COTL1: variants seen among roughly 807,000 people sequenced by gnomAD.
COTL1 encodes the protein coactosin like F-actin binding protein 1.
COTL1 carries 15 observed loss-of-function variants against 16.5 expected under a neutral mutation model. The ratio of observed to expected loss-of-function variants is 0.91; its 90% CI spans 0.61 to 1.40. COTL1 has a LOEUF of 1.40. Among genes scored for constraint, COTL1 ranks in the 40% most tolerant of loss-of-function variants. The probability of loss-of-function intolerance (pLI) is 0.00; values close to 1 mark genes in which losing one functional copy is unlikely to be tolerated. For missense variants in COTL1, 220 were observed against 201.5 expected (o/e 1.09, Z -0.56); for synonymous variants, 112 against 85.3 (o/e 1.31, Z -1.73).
chr16:84,582,048 C>A (rs1904608948), intron 3 of COTL1, among the ~76,000 whole-genome samples: 1 of 104,764 alleles, frequency 9.5e-6, no homozygotes, highest in Non-Finnish European at 1.8e-5. Flanking sequence ...TGCAGTGGTG[C>A]AATCTCTCGG....
chr16:84,610,177 G>C (rs894784980), intron 2 of COTL1, among the ~76,000 whole-genome samples: 2 of 152,160 alleles, frequency 1.3e-5, no homozygotes, highest in African/African-American at 4.8e-5. Context: ...TAAATTCCTT[G>C]TCCAGCCTGG....
chr16:84,609,800 T>C (rs36062134), intron 2 of COTL1, among the ~76,000 whole-genome samples: 47,029 of 152,176 alleles, frequency 0.31, 7,438 homozygotes, highest in East Asian at 0.44. Flanking sequence ...GTCTGTCTCC[T>C]GCTGCCACGT....
At chr16:84,611,330 T>C (rs375515339) in intron 2 of COTL1, among the ~76,000 whole-genome samples, 1 of 152,244 alleles carries the variant, frequency 6.6e-6, no homozygotes, top group Admixed American at 6.5e-5. Context: ...GCTTTAACAA[T>C]GTCACATTTG....
chr16:84,613,619 T>G (rs1277065342), intron 2 of COTL1, among the ~76,000 whole-genome samples: 1 of 151,980 alleles, frequency 6.6e-6, no homozygotes, highest in Non-Finnish European at 1.5e-5. Context: ...AGTGACTTGA[T>G]TAGAAATGTA....
chr16:84,577,748 G>T (rs1428806414), intron 3 of COTL1, among the ~76,000 whole-genome samples: 4 of 152,178 alleles, frequency 2.6e-5, no homozygotes, highest in Non-Finnish European at 5.9e-5. Context: ...GGTGGACACA[G>T]GGTAACCATC....
intron 2 of COTL1, among the ~76,000 whole-genome samples, chr16:84,599,813 G>A (rs1420452143): frequency 1.3e-5 from 2 of 152,192 alleles, no homozygotes; most frequent in Non-Finnish European, 2.9e-5. Context: ...AGCTTCCACC[G>A]AGGGAGCTCC....
In COTL1 at chr16:84,617,596, A is replaced by C. The variant is rs1235175351; in HGVS notation, c.78-13T>G. The C allele has an allele frequency of 6.4e-7, 1 of 1,552,370 alleles. No individual in the cohort carries two copies. Among genetic ancestry groups the C allele is most frequent in the South Asian group, 1.2e-5 (1 of 84,126 alleles). On this transcript the variant is annotated splice_polypyrimidine_tract_variant and intron_variant, in intron 1 of 3. Transcript: ENST00000262428. Reference sequence around the variant, plus strand: ...TTTAAAAGTCACCCTTTGGGTTGGGAGAAGAAAAAAACACACACACACATC... The same window carrying C: ...TTTAAAAGTCACCCTTTGGGTTGGGCGAAGAAAAAAACACACACACACATC...
chr16:84,588,636 A>G (rs1904789622), intron 3 of COTL1, among the ~76,000 whole-genome samples: 1 of 152,074 alleles, frequency 6.6e-6, no homozygotes, highest in African/African-American at 2.4e-5. Context: ...TCAGCCTCCC[A>G]AGTAGCTGGG....
chr16:84,573,740 CAAAA>C (rs72401655), intron 3 of COTL1, among the ~76,000 whole-genome samples: 30 of 104,154 alleles, frequency 2.9e-4, no homozygotes, highest in Admixed American at 1.6e-3. Flanking sequence ...AACTCTGTCT[CAAAA>C]AAAAAAAAAT....
At chr16:84,601,276 A>G (rs1667047091) in intron 2 of COTL1, among the ~76,000 whole-genome samples, 1 of 152,168 alleles carries the variant, frequency 6.6e-6, no homozygotes, top group Non-Finnish European at 1.5e-5. Context: ...CCCTACCTTC[A>G]AAAAATATAC....
intron 3 of COTL1, among the ~76,000 whole-genome samples, chr16:84,569,636 G>A (rs1206082383): frequency 6.6e-6 from 1 of 152,146 alleles, no homozygotes; most frequent in East Asian, 1.9e-4. Flanking sequence ...CTCATGGGCT[G>A]GGCTTGGAGA....
intron 3 of COTL1, among the ~76,000 whole-genome samples, chr16:84,586,174 G>C (rs1904728782): frequency 6.6e-6 from 1 of 152,114 alleles, no homozygotes; most frequent in Non-Finnish European, 1.5e-5. Flanking sequence ...CAACCCCAGA[G>C]AAAAACAGAA....
intron 3 of COTL1, among the ~76,000 whole-genome samples, chr16:84,572,106 A>G (rs535546263): frequency 6.6e-6 from 1 of 152,382 alleles, no homozygotes; most frequent in South Asian, 2.1e-4. Flanking sequence ...GAGATAAGGG[A>G]GTTGCAAGCA....
At position 84,617,470 on chromosome 16, in the gene COTL1, G is replaced by T. The variant is rs369959700; in HGVS notation, c.160+31C>A. The T allele has an allele frequency of 1.9e-6, 3 of 1,543,942 alleles. No homozygotes were observed. The South Asian group carries it at 3.6e-5, about 18-fold the overall frequency. Reference sequence around the variant, plus strand: ...GGGTGCAGACAACCTCCCAACGACCGCGCATCCGCCCGGCAGGCGCGCCTC... The same window carrying T: ...GGGTGCAGACAACCTCCCAACGACCTCGCATCCGCCCGGCAGGCGCGCCTC... On this transcript the variant is annotated intron_variant, in intron 2 of 3. Transcript: ENST00000262428.
intron 3 of COTL1, among the ~76,000 whole-genome samples, chr16:84,572,348 C>T (rs748661669): frequency 1.8e-4 from 28 of 152,208 alleles, no homozygotes; most frequent in Admixed American, 4.6e-4. Flanking sequence ...CTTGCCAGCA[C>T]CCACATGCCA....
chr16:84,568,864 T>C (rs1045741718), intron 3 of COTL1: 1 of 152,236 alleles, frequency 6.6e-6, no homozygotes, highest in African/African-American at 2.4e-5. Context: ...GAAATTACAA[T>C]GCTTGTCCGA....
At position 84,565,778 on chromosome 16, in the gene COTL1, A is replaced by T. The variant is rs150279093; in HGVS notation, c.*1067T>A. On this transcript the variant is annotated 3_prime_UTR_variant, in exon 4 of 4. Transcript: ENST00000262428. ...CCAATCTCACCTTTCTTTAAAAACAAAACAAAACGATCCTTTTGAATGTGT... is the reference window on the plus strand; with the variant it reads ...CCAATCTCACCTTTCTTTAAAAACATAACAAAACGATCCTTTTGAATGTGT... The T allele has an allele frequency of 5.3e-3, 811 of 152,558 alleles. 9 individuals are homozygous for T. Among genetic ancestry groups the T allele is most frequent in the Middle Eastern group, 0.024 (7 of 294 alleles). 9.5% of individuals were successfully genotyped at this position (152,558 alleles called of 1,614,324 possible). A position where few individuals can be genotyped will look rare whatever the true frequency, so the allele number is the denominator to read the frequency against.
At chr16:84,571,648 A>G (rs1412754222) in intron 3 of COTL1, among the ~76,000 whole-genome samples, 1 of 152,038 alleles carries the variant, frequency 6.6e-6, no homozygotes, top group Non-Finnish European at 1.5e-5. Flanking sequence ...CTACATCTCC[A>G]TCCAATCATC....
intron 2 of COTL1, among the ~76,000 whole-genome samples, chr16:84,606,370 A>G (rs769418069): frequency 2.0e-5 from 3 of 152,144 alleles, no homozygotes; most frequent in East Asian, 1.9e-4. Flanking sequence ...AGACATCTAC[A>G]TGGACTGTCA....
Sources: gnomAD v4.1 joint callset for allele counts (sites outside exome capture counted in the v4.1 genomes callset) on GRCh38, gnomAD v4.1.1 for gene constraint, MANE v1.5 for transcripts, NCBI Gene and HGNC (gene_info 2026-07-23, HGNC 2026-07-21) for gene names.